The following SDK2 variants were observed in gnomAD, a reference collection of about 807,000 sequenced individuals.
SDK2 encodes the protein protein sidekick-2.
In SDK2, 105 loss-of-function variants were observed where a neutral mutation model predicts 253.9. That is an observed-to-expected ratio of 0.41 (90% CI 0.35 to 0.49). The LOEUF (loss-of-function observed/expected upper bound fraction) is 0.49. SDK2 is among the 20% of genes least tolerant of loss of function. The pLI is 0.06. For missense variants in SDK2, 2,608 were observed against 3,003.0 expected, an observed-to-expected ratio of 0.87 and a Z score of 3.07; for synonymous variants, 1,249 against 1,234.9, an observed-to-expected ratio of 1.01 and a Z score of -0.24.
chr17:73,565,370 G>GT (rs2045297376), intron 1 of SDK2, among the ~76,000 whole-genome samples: 2 of 152,208 alleles, frequency 1.3e-5, no homozygotes, highest in Admixed American at 6.5e-5. Context: ...CAAGTTTGGA[G>GT]TTTGAGTGCA....
intron 44 of SDK2, among the ~76,000 whole-genome samples, chr17:73,346,080 C>T (rs1040658035): frequency 6.6e-5 from 10 of 151,902 alleles, no homozygotes; most frequent in Admixed American, 1.3e-4. Context: ...GTGGCACACG[C>T]GTGTAATCCC....
intron 44 of SDK2, among the ~76,000 whole-genome samples, chr17:73,346,506 T>A (rs2145383995): frequency 6.6e-6 from 1 of 152,214 alleles, no homozygotes; most frequent in South Asian, 2.1e-4. Context: ...GGCCTTTAAA[T>A]CTCCAGTCTT....
intron 1 of SDK2, among the ~76,000 whole-genome samples, chr17:73,508,793 C>T (rs1018518735): frequency 3.9e-5 from 6 of 152,174 alleles, no homozygotes; most frequent in African/African-American, 7.2e-5. Flanking sequence ...CACCTCCCTC[C>T]GTGAAGCCAA....
intron 8 of SDK2, among the ~76,000 whole-genome samples, chr17:73,436,970 G>C (rs568912039): frequency 6.6e-6 from 1 of 152,148 alleles, no homozygotes; most frequent in Admixed American, 6.5e-5. Context: ...CAGGGATCTG[G>C]CTGTTTGGTT....
intron 7 of SDK2, 59 bp from the exon 8 acceptor site, chr17:73,437,881 T>C: frequency 1.2e-6 from 2 of 1,608,718 alleles, no homozygotes; most frequent in South Asian, 2.2e-5. Flanking sequence ...ATCCAGCCAC[T>C]GTAGGGGGTC....
intron 1 of SDK2, among the ~76,000 whole-genome samples, chr17:73,515,950 G>A (rs954287307): frequency 1.3e-5 from 2 of 152,182 alleles, no homozygotes; most frequent in Non-Finnish European, 2.9e-5. Flanking sequence ...AGCCTCAGAG[G>A]TGCCCCTTTC....
rs1353183442 is a variant in SDK2 at position 73,643,684 on chromosome 17, C to G, written c.64+341G>C. On this transcript the variant is annotated intron_variant, in intron 1 of 44. Transcript: ENST00000392650. This position sits in a 1 kb window ranked among gnomAD's most constrained non-coding sequence, Gnocchi z 6.9. ...AGCTCAGCGTAGCCGAGCGTGGAGC[C>G]CGGCACGGAATGTCGCTCCCCTCCC... 6.6e-6 allele frequency among the ~76,000 whole-genome samples: 1 copy of G among 152,108 alleles called. No homozygotes were observed. The highest frequency in any genetic ancestry group is 1.5e-5 in the Non-Finnish European group (1 of 67,990).
rs1410966096 is a variant in SDK2, at chr17:73,541,104, G to T, written c.65-33507C>A. ...GTGTCTGCCCAGCCCCTAACATGGG[G>T]CACCCCTCCCGCTACTCCTGGCCAA... On this transcript the variant is annotated intron_variant, in intron 1 of 44. Transcript: ENST00000392650. The surrounding 1 kb of genome is among the most constrained non-coding windows in gnomAD (Gnocchi z 4.3). 6.6e-6 allele frequency among the ~76,000 whole-genome samples: 1 copy of T among 152,218 alleles called. No homozygotes were observed. Among genetic ancestry groups the T allele is most frequent in the Non-Finnish European group, 1.5e-5 (1 of 68,040 alleles).
At chr17:73,561,428 G>A (rs758512664) in intron 1 of SDK2, among the ~76,000 whole-genome samples, 1 of 152,234 alleles carries the variant, frequency 6.6e-6, no homozygotes, top group African/African-American at 2.4e-5. Flanking sequence ...AAATGGTGAC[G>A]TGGCTGCAGA....
intron 22 of SDK2, among the ~76,000 whole-genome samples, chr17:73,398,966 G>A (rs1279292104): frequency 1.3e-5 from 2 of 152,214 alleles, no homozygotes; most frequent in Non-Finnish European, 2.9e-5. Context: ...GGACTGTAGT[G>A]TGTGTGTGTT....
intron 1 of SDK2, among the ~76,000 whole-genome samples, chr17:73,601,715 T>C (rs2045843714): frequency 6.6e-6 from 1 of 151,692 alleles, no homozygotes; most frequent in Non-Finnish European, 1.5e-5. Flanking sequence ...GACGACACCT[T>C]GATTTTGGAC....
At chr17:73,532,272 C>T (rs1413913764) in intron 1 of SDK2, among the ~76,000 whole-genome samples, 1 of 135,280 alleles carries the variant, frequency 7.4e-6, no homozygotes, top group Non-Finnish European at 1.5e-5. Flanking sequence ...AAACTCTGGG[C>T]TAGACAGGAG....
At chr17:73,452,035 C>A (rs547444524) in intron 4 of SDK2, among the ~76,000 whole-genome samples, 1 of 152,134 alleles carries the variant, frequency 6.6e-6, no homozygotes, top group African/African-American at 2.4e-5. Context: ...TCCCTTCCCC[C>A]CACTGCTCCT....
At chr17:73,369,298 T>C (rs1954553711) in intron 36 of SDK2, 4 of 337,732 alleles carry the variant, frequency 1.2e-5, no homozygotes, top group South Asian at 4.6e-5. Flanking sequence ...GGTGGCCTCA[T>C]GTCACCTGGG....
chr17:73,615,798 GCA>G (rs2046045804), intron 1 of SDK2, among the ~76,000 whole-genome samples: 2 of 152,056 alleles, frequency 1.3e-5, no homozygotes, highest in Non-Finnish European at 2.9e-5. Context: ...GTATACATGC[GCA>G]CAAATATATA....
In SDK2 at chr17:73,352,447, C is replaced by A. The variant is rs370202582; in HGVS notation, c.5758+26G>T. The stretch of plus-strand genomic sequence containing the variant: ...CCCAGGCTCTGCTGTGGGGCTCCCC[C>A]ACTCCCTCAGCCCCCAGGCCGGTAC... On this transcript the variant is annotated intron_variant, in intron 41 of 44. Transcript: ENST00000392650. This position sits in a 1 kb window ranked among gnomAD's most constrained non-coding sequence, Gnocchi z 4.1. The A allele has an allele frequency of 1.9e-4, 308 of 1,597,190 alleles. 4 individuals are homozygous for A. The African/African-American group carries it at 3.6e-3, about 19-fold the overall frequency.
chr17:73,359,336 G>T (rs571503607), intron 39 of SDK2, among the ~76,000 whole-genome samples: 1 of 149,580 alleles, frequency 6.7e-6, no homozygotes, highest in African/African-American at 2.4e-5. Flanking sequence ...TGGCAGCCCC[G>T]CCTGGCCCCT....
intron 2 of SDK2, among the ~76,000 whole-genome samples, chr17:73,492,362 T>C (rs2063811537): frequency 6.6e-6 from 1 of 151,954 alleles, no homozygotes; most frequent in African/African-American, 2.4e-5. Context: ...AGGCCCATGG[T>C]GTTTGAGTGC....
chr17:73,635,067 C>A (rs1218460518), intron 1 of SDK2, among the ~76,000 whole-genome samples: 1 of 151,902 alleles, frequency 6.6e-6, no homozygotes, highest in African/African-American at 2.4e-5. Context: ...ATCACAGCAA[C>A]CTTCGCCTCC....
Sources: gnomAD v4.1 joint callset for allele counts (sites outside exome capture counted in the v4.1 genomes callset) on GRCh38, gnomAD v4.1.1 for gene constraint, Gnocchi (gnomAD v3.1) non-coding constraint, MANE v1.5 for transcripts, NCBI Gene and HGNC (gene_info 2026-07-23, HGNC 2026-07-21) for gene names.